ANXA8: variants seen among roughly 807,000 people sequenced by gnomAD.
ANXA8 encodes VAC-beta.
A neutral mutation model predicts 26.8 loss-of-function variants in ANXA8; 9 were observed. The observed-to-expected ratio is 0.34, with a 90% CI of 0.20 to 0.59. The LOEUF (loss-of-function observed/expected upper bound fraction) is 0.59. ANXA8 is among the 20% of genes least tolerant of loss of function. ANXA8 has a pLI of 0.84. For synonymous variants in ANXA8, 39 were observed against 94.8 expected (o/e 0.41, Z 3.42); for missense variants, 83 against 238.5 (o/e 0.35, Z 4.29).
chr10:47,891,590 ATAG>A, the ANXA8 span, among the ~76,000 whole-genome samples: 2 of 8,370 alleles, frequency 2.4e-4, no homozygotes, highest in African/African-American at 1.3e-3. Flanking sequence ...CTACAAATAA[ATAG>A]AAAAAAAAAA....
the ANXA8 span, among the ~76,000 whole-genome samples, chr10:47,932,293 A>G: frequency 6.6e-6 from 1 of 151,050 alleles, no homozygotes; most frequent in East Asian, 1.9e-4. Flanking sequence ...GGAAACTAAC[A>G]GAGGAGGTGA....
the ANXA8 span, among the ~76,000 whole-genome samples, chr10:47,552,759 T>C: frequency 6.6e-6 from 1 of 151,822 alleles, no homozygotes; most frequent in African/African-American, 2.4e-5. Context: ...CGGGGCAGGG[T>C]ACCATTTCAT....
the ANXA8 span, among the ~76,000 whole-genome samples, chr10:47,944,573 A>G: frequency 4.6e-5 from 7 of 150,612 alleles, no homozygotes; most frequent in South Asian, 2.1e-4. Flanking sequence ...GTGGGAGGTA[A>G]TTGTATCATG....
At chr10:47,488,367 T>C (rs878866403), upstream of ANXA8, among the ~76,000 whole-genome samples, 2 of 135,786 alleles carry the variant, frequency 1.5e-5, no homozygotes, top group African/African-American at 5.6e-5. Context: ...TGTGCCACCA[T>C]GCCCAGCTGG....
the ANXA8 span, among the ~76,000 whole-genome samples, chr10:47,558,529 ATGTGTG>A: frequency 0.15 from 21,650 of 141,450 alleles, 1,938 homozygotes; most frequent in East Asian, 0.49. Flanking sequence ...GGGTTTTAAG[ATGTGTG>A]TGTGTGTGTG....
chr10:47,660,715 C>T, the ANXA8 span, among the ~76,000 whole-genome samples: 3 of 146,886 alleles, frequency 2.0e-5, no homozygotes, highest in Admixed American at 7.1e-5. Context: ...GTGGTATTTT[C>T]TATTGCATTT....
At chr10:47,956,691 C>A in the ANXA8 span, among the ~76,000 whole-genome samples, 1 of 150,748 alleles carries the variant, frequency 6.6e-6, no homozygotes, top group Non-Finnish European at 1.5e-5. Flanking sequence ...CCAGCTTGTG[C>A]AGCAGTTTTG....
chr10:47,480,865 C>G (rs1304341807), intron 1 of ANXA8, among the ~76,000 whole-genome samples: 2 of 126,892 alleles, frequency 1.6e-5, no homozygotes, highest in Non-Finnish European at 3.4e-5. Flanking sequence ...CCCGCCCATC[C>G]ATCCATCCAT....
chr10:47,549,984 G>A, the ANXA8 span, among the ~76,000 whole-genome samples: 3 of 151,422 alleles, frequency 2.0e-5, no homozygotes, highest in Admixed American at 2.0e-4. Flanking sequence ...AGAAAAATTA[G>A]CCAGGCATGG....
the ANXA8 span, among the ~76,000 whole-genome samples, chr10:47,498,255 T>C: frequency 6.7e-6 from 1 of 149,512 alleles, no homozygotes; most frequent in Non-Finnish European, 1.5e-5. Flanking sequence ...ACACCGTATT[T>C]GTCTTTTTCT....
chr10:47,649,969 A>T, the ANXA8 span, among the ~76,000 whole-genome samples: 1 of 150,928 alleles, frequency 6.6e-6, no homozygotes, highest in Admixed American at 6.6e-5. Context: ...ACACTTTGGG[A>T]GGCCAAAGTA....
the ANXA8 span, among the ~76,000 whole-genome samples, chr10:47,544,180 C>T: frequency 6.6e-6 from 1 of 151,808 alleles, no homozygotes; most frequent in Admixed American, 6.6e-5. Flanking sequence ...CTTCCAAGTC[C>T]TCCCATTTTC....
the ANXA8 span, among the ~76,000 whole-genome samples, chr10:47,655,567 A>AAG: frequency 6.6e-6 from 1 of 151,568 alleles, no homozygotes; most frequent in Non-Finnish European, 1.5e-5. Context: ...CTGGGACATG[A>AAG]AGTGGTTGGT....
chr10:47,977,514 C>A, the ANXA8 span, among the ~76,000 whole-genome samples: 4 of 150,776 alleles, frequency 2.7e-5, no homozygotes, highest in African/African-American at 9.7e-5. Context: ...GATTTTAGAA[C>A]ACGTCTTAAA....
At chr10:47,929,609 A>G in the ANXA8 span, among the ~76,000 whole-genome samples, 3 of 146,152 alleles carry the variant, frequency 2.1e-5, no homozygotes, top group African/African-American at 7.6e-5. Context: ...TTCAAAAGCA[A>G]ACTCCAGATT....
the ANXA8 span, among the ~76,000 whole-genome samples, chr10:47,733,209 CTTT>C: frequency 1.4e-4 from 9 of 63,976 alleles, no homozygotes; most frequent in African/African-American, 4.7e-4. Context: ...TTCTTTCTTT[CTTT>C]CTTTCTTTCT....
At chr10:47,763,637 G>A in the ANXA8 span, 29 of 219,172 alleles carry the variant, frequency 1.3e-4, no homozygotes, top group East Asian at 1.9e-4. Flanking sequence ...CGCGCCTTGC[G>A]GGAAAGGCGG....
At chr10:47,747,136 G>A in the ANXA8 span, among the ~76,000 whole-genome samples, 5 of 149,850 alleles carry the variant, frequency 3.3e-5, no homozygotes, top group Admixed American at 1.3e-4. Context: ...TTCCCTTCAG[G>A]AAACGTGCTG....
chr10:47,763,285 G>A, the ANXA8 span: 1 of 983,836 alleles, frequency 1.0e-6, no homozygotes, highest in Non-Finnish European at 1.2e-6. Context: ...AACCGGTCGA[G>A]AGCGCAATTC....
Sources: allele counts gnomAD v4.1 joint callset (sites outside exome capture counted in the v4.1 genomes callset), GRCh38; gene constraint gnomAD v4.1.1; transcripts MANE v1.5; gene names NCBI Gene and HGNC (gene_info 2026-07-23, HGNC 2026-07-21).